The following PSD3 variants were observed in gnomAD, a reference collection of about 807,000 sequenced individuals.
The protein encoded by PSD3 is pleckstrin and Sec7 domain containing 3.
A neutral mutation model predicts 105.5 loss-of-function variants in PSD3; 49 were observed. The ratio of observed to expected loss-of-function variants is 0.46; its 90% CI spans 0.37 to 0.59. The LOEUF (loss-of-function observed/expected upper bound fraction) is 0.59. Among genes scored for constraint, PSD3 ranks in the 20% least tolerant of loss-of-function variants. The pLI is 0.00. For missense variants in PSD3, 1,561 were observed against 1,263.8 expected (o/e 1.24, Z -3.57); for synonymous variants, 557 against 457.8 (o/e 1.22, Z -2.77).
At chr8:18,741,348 G>A (rs999979086) in intron 9 of PSD3, among the ~76,000 whole-genome samples, 4 of 152,158 alleles carry the variant, frequency 2.6e-5, no homozygotes, top group African/African-American at 9.7e-5. Context: ...GTAAGTGTCA[G>A]GGTCAGAACT....
chr8:18,688,753 G>C (rs758479694), intron 9 of PSD3, among the ~76,000 whole-genome samples: 7 of 152,130 alleles, frequency 4.6e-5, no homozygotes, highest in Non-Finnish European at 8.8e-5. Context: ...CTTCAAAGAC[G>C]TGTTGGATGA....
At chr8:18,939,922 C>G (rs1472366824) in intron 1 of PSD3, among the ~76,000 whole-genome samples, 1 of 152,128 alleles carries the variant, frequency 6.6e-6, no homozygotes, top group Admixed American at 6.5e-5. Flanking sequence ...AGAAAACACA[C>G]TGTAAGATAA....
chr8:18,813,094 G>A (rs570892587), intron 4 of PSD3, among the ~76,000 whole-genome samples: 7 of 152,262 alleles, frequency 4.6e-5, no homozygotes. Context: ...TGAAGGAAAA[G>A]CCTCCTCCGA....
chr8:18,664,477 G>A (rs1055976901), intron 9 of PSD3, among the ~76,000 whole-genome samples: 1 of 152,178 alleles, frequency 6.6e-6, no homozygotes, highest in African/African-American at 2.4e-5. Context: ...AAGTGAGAAA[G>A]CTGCAGAAGA....
intron 12 of PSD3, among the ~76,000 whole-genome samples, chr8:18,591,847 T>A (rs982210388): frequency 1.3e-5 from 2 of 152,094 alleles, no homozygotes; most frequent in Non-Finnish European, 2.9e-5. Context: ...TAACTTGCAG[T>A]GTTGCAGACA....
At chr8:18,809,618 A>T (rs1355423097) in intron 4 of PSD3, among the ~76,000 whole-genome samples, 1 of 152,232 alleles carries the variant, frequency 6.6e-6, no homozygotes, top group Non-Finnish European at 1.5e-5. Flanking sequence ...TTCAAGTTTA[A>T]CTAGGCATCT....
chr8:18,976,540 G>T (rs1053513220), intron 1 of PSD3, among the ~76,000 whole-genome samples: 1 of 152,104 alleles, frequency 6.6e-6, no homozygotes, highest in East Asian at 1.9e-4. Context: ...TTCCAAAAGG[G>T]TCCAAATCAC....
chr8:18,898,114 T>TG (rs1410321124), intron 2 of PSD3, among the ~76,000 whole-genome samples: 1 of 152,204 alleles, frequency 6.6e-6, no homozygotes, highest in Non-Finnish European at 1.5e-5. Context: ...TTACCTAACT[T>TG]GCTGAGAGTT....
chr8:18,974,370 G>C (rs1182735466), intron 1 of PSD3, among the ~76,000 whole-genome samples: 1 of 149,884 alleles, frequency 6.7e-6, no homozygotes, highest in Non-Finnish European at 1.5e-5. Context: ...ACTTGGCTCA[G>C]GCCCTGGGAT....
chr8:18,771,877 G>C (rs1585915750), intron 8 of PSD3, among the ~76,000 whole-genome samples: 2 of 152,166 alleles, frequency 1.3e-5, no homozygotes. Flanking sequence ...ACCCATTAAA[G>C]AGCTCCTCTT....
chr8:19,042,979 A>C (rs562911017), intron 1 of PSD3, among the ~76,000 whole-genome samples: 4 of 152,334 alleles, frequency 2.6e-5, no homozygotes, highest in Non-Finnish European at 5.9e-5. Flanking sequence ...AGGTACTGAC[A>C]AAAAGAAATG....
At chr8:18,784,936 G>A (rs1221414020) in intron 8 of PSD3, among the ~76,000 whole-genome samples, 1 of 152,160 alleles carries the variant, frequency 6.6e-6, no homozygotes, top group Non-Finnish European at 1.5e-5. Context: ...CTCCCTGGAG[G>A]TGGGGTGTGT....
At chr8:18,835,498 C>T (rs956471526) in intron 4 of PSD3, among the ~76,000 whole-genome samples, 1 of 152,078 alleles carries the variant, frequency 6.6e-6, no homozygotes, top group African/African-American at 2.4e-5. Flanking sequence ...CAAAACAAGA[C>T]AAAAATCCCT....
intron 12 of PSD3, among the ~76,000 whole-genome samples, chr8:18,587,992 T>C (rs1158815773): frequency 6.6e-6 from 1 of 152,194 alleles, no homozygotes; most frequent in Admixed American, 6.5e-5. Flanking sequence ...AGTAACTCCC[T>C]GTAGGATGCA....
At chr8:18,950,625 C>T (rs993420242) in intron 1 of PSD3, among the ~76,000 whole-genome samples, 6 of 152,132 alleles carry the variant, frequency 3.9e-5, no homozygotes, top group Admixed American at 2.6e-4. Flanking sequence ...TGAGAACATG[C>T]AGTATTTGCC....
At position 18,871,930 on chromosome 8, in the gene PSD3, C is replaced by T; in HGVS notation, c.934G>A (p.Asp312Asn). Residue 312 changes from aspartate (D) to asparagine (N), a missense_variant, in exon 3 of 16, where the codon GAC becomes AAC. Physicochemically the swap from Asp to Asn is conservative, Grantham distance 23. Coordinates refer to ENST00000327040, the MANE Select transcript of PSD3 (RefSeq NM_015310.4). Reference sequence around the variant, plus strand: ...ATAGGATGCTGGGTCTCTCTCTTGTCTCCTCCTGTCCACAGTATTTCCACT... The same window carrying T: ...ATAGGATGCTGGGTCTCTCTCTTGTTTCCTCCTGTCCACAGTATTTCCACT... Reference protein sequence around the residue: ...QGVEILWTGGDKRETQHPIDF... With the variant: ...QGVEILWTGGNKRETQHPIDF... 2 of 1,614,216 alleles carry T rather than the reference C, an allele frequency of 1.2e-6. No homozygotes were observed. Among genetic ancestry groups the T allele is most frequent in the Non-Finnish European group, 1.7e-6 (2 of 1,180,032 alleles).
intron 8 of PSD3, among the ~76,000 whole-genome samples, chr8:18,771,382 G>C (rs377393366): frequency 1.3e-5 from 2 of 152,270 alleles, no homozygotes; most frequent in South Asian, 4.1e-4. Flanking sequence ...CAGTTTACCT[G>C]TGTTTTATTT....
At chr8:19,033,607 A>C (rs1827844448) in intron 1 of PSD3, among the ~76,000 whole-genome samples, 2 of 141,742 alleles carry the variant, frequency 1.4e-5, no homozygotes, top group South Asian at 2.2e-4. Flanking sequence ...TAGCCCTTTC[A>C]CCTCCCTAGT....
At chr8:18,564,982 G>C (rs767572753) in intron 14 of PSD3, among the ~76,000 whole-genome samples, 18 of 152,172 alleles carry the variant, frequency 1.2e-4, no homozygotes, top group Non-Finnish European at 2.2e-4. Flanking sequence ...AAAAGACCTA[G>C]ATATCAGGAA....
Sources: allele counts gnomAD v4.1 joint callset (sites outside exome capture counted in the v4.1 genomes callset), GRCh38; gene constraint gnomAD v4.1.1; transcripts MANE v1.5; gene names NCBI Gene and HGNC (gene_info 2026-07-23, HGNC 2026-07-21).